The following TCF20 variants were observed in gnomAD, a reference collection of about 807,000 sequenced individuals.
TCF20 encodes SPRE-binding protein.
A neutral mutation model predicts 148.6 loss-of-function variants in TCF20; 3 were observed. The observed-to-expected ratio is 0.02, with a 90% CI of 0.01 to 0.05. The LOEUF (loss-of-function observed/expected upper bound fraction) is 0.05, where lower values mean the gene tolerates loss of function less well. Among genes scored for constraint, TCF20 ranks in the 10% least tolerant of loss-of-function variants. The probability of loss-of-function intolerance (pLI) is 1.00; values close to 1 mark genes in which losing one functional copy is unlikely to be tolerated. For missense variants in TCF20, 2,350 were observed against 2,429.3 expected (o/e 0.97, Z 0.69); for synonymous variants, 1,049 against 909.5 (o/e 1.15, Z -2.76).
At chr22:42,186,726 T>C (rs1238754706) in intron 2 of TCF20, among the ~76,000 whole-genome samples, 1 of 152,170 alleles carries the variant, frequency 6.6e-6, no homozygotes, top group East Asian at 1.9e-4. Context: ...TAGCTACTAT[T>C]TACTATTACT....
chr22:42,248,702 T>G (rs149098633), intron 1 of TCF20, among the ~76,000 whole-genome samples: 169 of 152,234 alleles, frequency 1.1e-3, no homozygotes, highest in African/African-American at 4.0e-3. Context: ...CCCAAAAGAT[T>G]AAAATCCCAA....
chr22:42,274,512 A>G (rs1926728338), upstream of TCF20: 2 of 152,514 alleles, frequency 1.3e-5, no homozygotes, highest in African/African-American at 4.8e-5. Flanking sequence ...ACCAAGACTT[A>G]GGGGTGTGGG....
intron 5 of TCF20, among the ~76,000 whole-genome samples, chr22:42,163,180 C>A (rs1247420769): frequency 6.6e-6 from 1 of 152,238 alleles, no homozygotes; most frequent in Non-Finnish European, 1.5e-5. Context: ...CTCAGAAGAA[C>A]AGGACCCCAC....
chr22:42,297,363 A>C lies in TCF20; in HGVS notation c.-37+46116T>G, dbSNP rs1927255347. 6.6e-6 allele frequency among the ~76,000 whole-genome samples: 1 copy of C among 152,230 alleles called. No individual in the cohort carries two copies. Among genetic ancestry groups the C allele is most frequent in the Non-Finnish European group, 1.5e-5 (1 of 68,038 alleles). ...GGGTTGGTCATATTCATGGAGCGGC[A>C]AGAATGAGGAGTGGGTCCTCATTTG... On this transcript the variant is annotated intron_variant, in intron 1 of 1. Transcript: ENST00000515426. This position sits in a 1 kb window ranked among gnomAD's most constrained non-coding sequence, Gnocchi z 4.3.
intron 1 of TCF20, among the ~76,000 whole-genome samples, chr22:42,302,471 G>C (rs1927354822): frequency 6.6e-6 from 1 of 152,168 alleles, no homozygotes; most frequent in Non-Finnish European, 1.5e-5. Context: ...TGGCCTCCAA[G>C]CCATGCAGGG....
Position 42,177,352 on chromosome 22 carries a change from T to C in TCF20, c.5749+2257A>G, listed in dbSNP as rs372459695. Among the ~76,000 whole-genome samples the C allele has an allele frequency of 3.9e-5, 6 of 152,248 alleles. No homozygotes were observed. The East Asian group carries it at 7.7e-4, about 20-fold the overall frequency. ...ATCACTTGAATCTGGGAGGCAGAGG[T>C]TGCAGTGGGCTGAGATCATGCCATT... On this transcript the variant is annotated intron_variant, in intron 3 of 5. Coordinates refer to ENST00000677622, the MANE Select transcript of TCF20 (RefSeq NM_001378418.1).
intron 1 of TCF20, among the ~76,000 whole-genome samples, chr22:42,275,864 G>A (rs958582288): frequency 1.3e-5 from 2 of 152,160 alleles, no homozygotes; most frequent in East Asian, 1.9e-4. Flanking sequence ...TGCTCTAAGC[G>A]CTTTTCCTGC....
chr22:42,313,040 C>T (rs763441368), intron 1 of TCF20, among the ~76,000 whole-genome samples: 27 of 152,318 alleles, frequency 1.8e-4, no homozygotes, highest in Admixed American at 5.2e-4. Flanking sequence ...GCTCCCCAGC[C>T]TGAGTCACAC....
Position 42,213,195 on chromosome 22 carries a change from C to T in TCF20, c.2111G>A (p.Ser704Asn), listed in dbSNP as rs1337521741. 4 of 1,614,088 alleles carry T rather than the reference C, an allele frequency of 2.5e-6. No homozygotes were observed. The highest frequency in any genetic ancestry group is 3.4e-6 in the Non-Finnish European group (4 of 1,180,044). The change falls in exon 2 of 6, where the codon AGT becomes AAT. Residue 704 changes from serine (S) to asparagine (N), a missense_variant. By Grantham distance (46) the Ser-to-Asn change is conservative (BLOSUM62 1). This residue lies in a region of TCF20 where 1,641 missense variants were observed against 1,662.6 expected (regional missense o/e 0.99). Coordinates refer to ENST00000677622, the MANE Select transcript of TCF20 (RefSeq NM_001378418.1). ...ACTATCTTTGTAACTATAGCGCAGA[C>T]TTCCAGGAGATTTGCTAGGCTCAGT... Reference protein sequence around the residue: ...SRTEPSKSPGSLRYSYKDSFG... With the variant: ...SRTEPSKSPGNLRYSYKDSFG...
chr22:42,212,366 C>A lies in TCF20; in HGVS notation c.2940G>T (p.Pro980=). The part of the protein sequence containing the change: ...ATHDSLSDYG[P]QDSRPTPMRR... The stretch of plus-strand genomic sequence containing the variant: ...GCATTGGCGTGGGTCTGCTGTCTTG[C>A]GGGCCATAGTCTGAAAGGGAATCAT... The change falls in exon 2 of 6, where the codon CCG becomes CCT. Residue 980 remains proline (P), a synonymous_variant. Transcript: ENST00000677622. 2 of 1,614,214 alleles carry A rather than the reference C, an allele frequency of 1.2e-6. No homozygotes were observed. Among genetic ancestry groups the A allele is most frequent in the Non-Finnish European group, 1.7e-6 (2 of 1,180,032 alleles).
Position 42,168,645 on chromosome 22 carries a change from T to TGCC in TCF20, c.*5_*7dup. On this transcript the variant is annotated 3_prime_UTR_variant, in exon 5 of 6. Transcript: ENST00000677622. ...GTCCTTTCCATTCCCACGAGCACAC[T>TGCC]GCCCCCCTCACCCCCGCTCCGACTG... is the stretch of plus-strand genomic sequence containing the variant. The TGCC allele has an allele frequency of 6.3e-7, 1 of 1,598,310 alleles. No homozygotes were observed. The highest frequency in any genetic ancestry group is 8.5e-7 in the Non-Finnish European group (1 of 1,172,280).
chr22:42,191,930 G>T (rs977489501), intron 2 of TCF20, among the ~76,000 whole-genome samples: 1 of 152,204 alleles, frequency 6.6e-6, no homozygotes, highest in Admixed American at 6.5e-5. Context: ...TACAGGGAGA[G>T]AAATACTTAC....
At chr22:42,183,779 T>C (rs1164601388) in intron 2 of TCF20, among the ~76,000 whole-genome samples, 3 of 149,662 alleles carry the variant, frequency 2.0e-5, no homozygotes, top group Admixed American at 6.7e-5. Flanking sequence ...TTAGGTTCTT[T>C]TTTTTTTTTT....
Position 42,167,523 on chromosome 22 carries a change from T to G in TCF20, c.*44+1086A>C, listed in dbSNP as rs62240863. Among the ~76,000 whole-genome samples, 660 of 144,600 alleles carry G rather than the reference T, an allele frequency of 4.6e-3. 32 individuals carry two copies. The East Asian group carries it at 0.13, about 29-fold the overall frequency. The allele number at this position is 144,600 out of a possible 152,430, so 94.9% of individuals were successfully genotyped here. ...GCAGCAAGTGCCACAAGGTACATTT[T>G]GGTTTTTCTTTTCTTTACAACCTAT... On this transcript the variant is annotated intron_variant, in intron 5 of 5. Coordinates refer to ENST00000677622, the MANE Select transcript of TCF20 (RefSeq NM_001378418.1).
chr22:42,228,358 A>G (rs1243269439), intron 1 of TCF20, among the ~76,000 whole-genome samples: 1 of 152,240 alleles, frequency 6.6e-6, no homozygotes, highest in African/African-American at 2.4e-5. Context: ...AGCAGCCAAC[A>G]CTAGTTAAAC....
At chr22:42,168,853 G>T (rs1027251501) in intron 4 of TCF20, 117 bp from the exon 5 acceptor site, 4 of 1,341,010 alleles carry the variant, frequency 3.0e-6, no homozygotes, top group Non-Finnish European at 2.0e-6. Flanking sequence ...GGCAGAGTCA[G>T]TCCTGACCGA....
At chr22:42,341,993 G>A (rs1405795671) in intron 1 of TCF20, among the ~76,000 whole-genome samples, 1 of 152,106 alleles carries the variant, frequency 6.6e-6, no homozygotes. Flanking sequence ...GATGTGTGGG[G>A]AAGAGACCAT....
At position 42,297,268 on chromosome 22, in the gene TCF20, A is replaced by G. The variant is rs1358865299; in HGVS notation, c.-37+46211T>C. ...ACTGACCAGGGGGCTGAAAAAAGAAAAACAGGTGAGGAGCTACTTCCTGTC... is the reference window on the plus strand; with the variant it reads ...ACTGACCAGGGGGCTGAAAAAAGAAGAACAGGTGAGGAGCTACTTCCTGTC... On this transcript the variant is annotated intron_variant, in intron 1 of 1. Coordinates refer to the TCF20 transcript ENST00000515426. The surrounding 1 kb of genome is among the most constrained non-coding windows in gnomAD (Gnocchi z 4.3). Among the ~76,000 whole-genome samples, 93 of 152,326 alleles carry G rather than the reference A, an allele frequency of 6.1e-4. No homozygotes were observed. Among genetic ancestry groups the G allele is most frequent in the Non-Finnish European group, 1.2e-4 (8 of 68,030 alleles).
At chr22:42,194,711 ATGG>A (rs1937508789) in intron 2 of TCF20, among the ~76,000 whole-genome samples, 1 of 152,132 alleles carries the variant, frequency 6.6e-6, no homozygotes, top group African/African-American at 2.4e-5. Context: ...TTCACAGGGC[ATGG>A]TGGAGGAGAC....
Sources: gnomAD v4.1 joint callset for allele counts (sites outside exome capture counted in the v4.1 genomes callset) on GRCh38, gnomAD v4.1.1 for gene constraint, gnomAD v4.1.1 regional missense constraint, Gnocchi (gnomAD v3.1) non-coding constraint, MANE v1.5 for transcripts, NCBI Gene and HGNC (gene_info 2026-07-23, HGNC 2026-07-21) for gene names.